EPHA6: variants seen among roughly 807,000 people sequenced by gnomAD.
EPHA6 encodes the protein EPH receptor A6.
EPHA6 carries 50 observed loss-of-function variants against 112.0 expected under a neutral mutation model. The ratio of observed to expected loss-of-function variants is 0.45; its 90% CI spans 0.36 to 0.56. EPHA6 has a LOEUF of 0.56. Among genes scored for constraint, EPHA6 ranks in the 20% least tolerant of loss-of-function variants. EPHA6 has a pLI of 0.00. For missense variants in EPHA6, 1,280 were observed against 1,417.4 expected (o/e 0.90, Z 1.56); for synonymous variants, 529 against 490.7 (o/e 1.08, Z -1.03).
intron 11 of EPHA6, among the ~76,000 whole-genome samples, chr3:97,561,349 A>C (rs755758550): frequency 5.3e-5 from 8 of 152,056 alleles, no homozygotes; most frequent in Admixed American, 2.0e-4. Flanking sequence ...AGTATTTTGA[A>C]GAAAAATAAA....
intron 6 of EPHA6, chr3:97,441,437 G>A: frequency 1.0e-6 from 1 of 979,976 alleles, no homozygotes; most frequent in Non-Finnish European, 1.2e-6. Flanking sequence ...TACAATGGAA[G>A]AAGAAAACGT....
At chr3:96,815,874 G>A (rs1457780242) in intron 1 of EPHA6, among the ~76,000 whole-genome samples, 1 of 152,082 alleles carries the variant, frequency 6.6e-6, no homozygotes, top group African/African-American at 2.4e-5. Context: ...AGTCCTTTCA[G>A]ACTAAGCATG....
At chr3:96,815,973 T>C (rs935266579) in intron 1 of EPHA6, among the ~76,000 whole-genome samples, 2 of 152,160 alleles carry the variant, frequency 1.3e-5, no homozygotes, top group Middle Eastern at 3.2e-3. Flanking sequence ...CCTTCAAATA[T>C]TATGTGTGGT....
chr3:97,686,796 G>A (rs1041667108), intron 14 of EPHA6, among the ~76,000 whole-genome samples: 3 of 152,140 alleles, frequency 2.0e-5, no homozygotes, highest in Admixed American at 1.3e-4. Context: ...GTAAAGAGAT[G>A]CATTTATAAC....
intron 2 of EPHA6, among the ~76,000 whole-genome samples, chr3:96,949,658 A>G (rs185651162): frequency 3.3e-5 from 5 of 152,242 alleles, no homozygotes; most frequent in Non-Finnish European, 7.4e-5. Flanking sequence ...TGTGTGGGGA[A>G]TTTATTTTAT....
At chr3:97,083,419 T>C (rs1258848225) in intron 3 of EPHA6, among the ~76,000 whole-genome samples, 6 of 152,148 alleles carry the variant, frequency 3.9e-5, no homozygotes, top group African/African-American at 1.2e-4. Context: ...TGGTATTTGC[T>C]TTCTGGACAG....
chr3:96,885,244 G>T (rs534534040), intron 2 of EPHA6, among the ~76,000 whole-genome samples: 1 of 152,240 alleles, frequency 6.6e-6, no homozygotes, highest in African/African-American at 2.4e-5. Context: ...TTCATCGAAT[G>T]AATTAGGGAG....
chr3:97,269,350 TC>T (rs988214335), intron 5 of EPHA6, among the ~76,000 whole-genome samples: 3 of 152,204 alleles, frequency 2.0e-5, no homozygotes, highest in African/African-American at 7.2e-5. Context: ...CTTGATGGCT[TC>T]CCTGGATCAA....
At chr3:96,974,380 A>C (rs942862546) in intron 2 of EPHA6, among the ~76,000 whole-genome samples, 21 of 150,516 alleles carry the variant, frequency 1.4e-4, no homozygotes, top group African/African-American at 5.1e-4. Context: ...TGTCATTATA[A>C]ATACTTTTGT....
At chr3:97,448,308 A>T (rs1269845322) in intron 6 of EPHA6, among the ~76,000 whole-genome samples, 8 of 152,110 alleles carry the variant, frequency 5.3e-5, no homozygotes, top group Non-Finnish European at 1.0e-4. Context: ...TTGGGTCAGG[A>T]ATCTAAATCA....
At chr3:97,733,205 G>A (rs2035113468) in intron 15 of EPHA6, among the ~76,000 whole-genome samples, 1 of 151,994 alleles carries the variant, frequency 6.6e-6, no homozygotes, top group Non-Finnish European at 1.5e-5. Flanking sequence ...AAGGACCTGG[G>A]GCCAATGGAA....
intron 1 of EPHA6, among the ~76,000 whole-genome samples, chr3:96,829,937 G>A (rs9828030): frequency 7.9e-5 from 8 of 101,552 alleles, no homozygotes; most frequent in African/African-American, 4.0e-4. Flanking sequence ...GCACGTGCAT[G>A]TGCGCGCGCG....
intron 3 of EPHA6, among the ~76,000 whole-genome samples, chr3:97,143,746 T>A (rs2075968447): frequency 6.6e-6 from 1 of 151,666 alleles, no homozygotes; most frequent in Non-Finnish European, 1.5e-5. Flanking sequence ...TTGTATCCCA[T>A]CACCAATAAG....
chr3:96,944,083 T>A (rs1028740640), intron 2 of EPHA6, among the ~76,000 whole-genome samples: 4 of 152,168 alleles, frequency 2.6e-5, no homozygotes, highest in African/African-American at 9.7e-5. Flanking sequence ...CTATATGTTG[T>A]CTCAGTTAAC....
chr3:97,252,541 A>G (rs530585952), intron 5 of EPHA6, among the ~76,000 whole-genome samples: 2 of 152,276 alleles, frequency 1.3e-5, no homozygotes, highest in South Asian at 4.1e-4. Context: ...CAGGCAACCC[A>G]GGAATGTGGT....
At chr3:97,095,133 CA>C (rs775326260) in intron 3 of EPHA6, among the ~76,000 whole-genome samples, 1 of 151,920 alleles carries the variant, frequency 6.6e-6, no homozygotes, top group Non-Finnish European at 1.5e-5. Context: ...CTATTTTCAA[CA>C]AAAGTAAAAA....
chr3:96,894,902 A>G (rs1467907268), intron 2 of EPHA6, among the ~76,000 whole-genome samples: 1 of 152,228 alleles, frequency 6.6e-6, no homozygotes, highest in East Asian at 1.9e-4. Flanking sequence ...GCAGACCTCA[A>G]CAAGCTTCCT....
chr3:97,230,450 A>G (rs1276740399), intron 4 of EPHA6, among the ~76,000 whole-genome samples: 5 of 152,180 alleles, frequency 3.3e-5, no homozygotes, highest in Non-Finnish European at 7.4e-5. Flanking sequence ...AATGCTTAAT[A>G]TTATAAATTA....
At chr3:96,893,921 A>C (rs2038119569) in intron 2 of EPHA6, among the ~76,000 whole-genome samples, 1 of 152,226 alleles carries the variant, frequency 6.6e-6, no homozygotes, top group Non-Finnish European at 1.5e-5. Context: ...ATGTGAAGAC[A>C]GCTGAAGAAT....
Sources: gnomAD v4.1 joint callset for allele counts (sites outside exome capture counted in the v4.1 genomes callset) on GRCh38, gnomAD v4.1.1 for gene constraint, MANE v1.5 for transcripts, NCBI Gene and HGNC (gene_info 2026-07-23, HGNC 2026-07-21) for gene names.